Variants in PREX2 observed in about 807,000 individuals in gnomAD.
PREX2 encodes phosphatidylinositol-3,4,5-trisphosphate dependent Rac exchange factor 2, also known as phosphatidylinositol 3,4,5-trisphosphate-dependent Rac exchanger 2 protein.
PREX2 carries 107 observed loss-of-function variants against 203.2 expected under a neutral mutation model. The observed-to-expected ratio is 0.53, with a 90% CI of 0.45 to 0.62. PREX2 has a LOEUF of 0.62. PREX2 is among the 20% of genes least tolerant of loss of function. PREX2 has a pLI of 0.00. For synonymous variants in PREX2, 672 were observed against 663.6 expected, an observed-to-expected ratio of 1.01 and a Z score of -0.19; for missense variants, 1,777 against 1,955.9, an observed-to-expected ratio of 0.91 and a Z score of 1.72.
rs1810494326 is a variant in PREX2 at position 68,109,545 on chromosome 8, A to C, written c.3068A>C (p.Gln1023Pro). 6.2e-7 allele frequency: 1 copy of C among 1,613,982 alleles called. No homozygotes were observed. Among genetic ancestry groups the C allele is most frequent in the Non-Finnish European group, 8.5e-7 (1 of 1,179,954 alleles). ...CTAAAAGAAGAAGACTTAGAAACCC[A>C]AGACATCTATCAGAAACTGCTGGGC... ...YLLKEEDLET[Q>P]DIYQKLLGKL... The change falls in exon 25 of 40, where the codon CAA becomes CCA. Residue 1023 changes from glutamine (Q) to proline (P), a missense_variant. Physicochemically the swap from Gln to Pro is moderately conservative, Grantham distance 76. Coordinates refer to ENST00000288368, the MANE Select transcript of PREX2 (RefSeq NM_024870.4).
chr8:68,100,148 G>T (rs531199676), intron 23 of PREX2: 26 of 518,126 alleles, frequency 5.0e-5, no homozygotes, highest in African/African-American at 5.0e-4. Context: ...ACCTAATTCT[G>T]AAGTCAAAAT....
intron 1 of PREX2, among the ~76,000 whole-genome samples, chr8:67,997,750 T>C (rs1231310215): frequency 2.0e-5 from 3 of 152,150 alleles, no homozygotes; most frequent in African/African-American, 7.2e-5. Flanking sequence ...TTTTAAGATA[T>C]CTTAATTGAT....
At chr8:67,970,254 A>G (rs990874123) in intron 1 of PREX2, among the ~76,000 whole-genome samples, 12 of 152,176 alleles carry the variant, frequency 7.9e-5, no homozygotes, top group Non-Finnish European at 1.6e-4. Flanking sequence ...TCTAAATTTC[A>G]TGTAAAGCAG....
rs1295839870 is a variant in PREX2, at chr8:68,064,545, T to G, written c.1339+3766T>G. Among the ~76,000 whole-genome samples, 5 of 151,782 alleles carry G rather than the reference T, an allele frequency of 3.3e-5. No homozygotes were observed. In the South Asian group the frequency reaches 8.4e-4, roughly 25 times the overall value. On this transcript the variant is annotated intron_variant, in intron 11 of 39. Transcript: ENST00000288368. The stretch of plus-strand genomic sequence containing the variant: ...CACCATACCCAGCTAATTTGTTTTT[T>G]TTTTTTTTAATTTGTAGAAATGAGG...
rs187548204 is a variant in PREX2 at position 68,042,095 on chromosome 8, A to G, written c.840-2392A>G. ...CTGTTCCCTTCACTTAGAATACTTC[A>G]CTCCTTTATGAACTTCACCTCAGCA... is the stretch of plus-strand genomic sequence containing the variant. On this transcript the variant is annotated intron_variant, in intron 7 of 39. Coordinates refer to ENST00000288368, the MANE Select transcript of PREX2 (RefSeq NM_024870.4). 2.4e-3 allele frequency among the ~76,000 whole-genome samples: 364 copies of G among 152,016 alleles called. 1 individual carries two copies. The highest frequency in any genetic ancestry group is 3.4e-3 in the Non-Finnish European group (228 of 67,914).
rs565972465 is a variant in PREX2, at chr8:68,217,599, C to A, written c.4605-17C>A. The A allele has an allele frequency of 9.3e-6, 15 of 1,609,470 alleles. No individual in the cohort carries two copies. The highest frequency in any genetic ancestry group is 1.2e-5 in the Non-Finnish European group (14 of 1,175,894). ...CAGGAACCATGGGGTCTGACTTGCC[C>A]TTGCCTTGGCCCACAGGTGCACCCT... is the stretch of plus-strand genomic sequence containing the variant. On this transcript the variant is annotated splice_polypyrimidine_tract_variant and intron_variant, in intron 37 of 39. Coordinates refer to ENST00000288368, the MANE Select transcript of PREX2 (RefSeq NM_024870.4).
chr8:68,030,469 G>A (rs1403425249), intron 5 of PREX2, 28 bp from the exon 6 acceptor site: 2 of 1,607,170 alleles, frequency 1.2e-6, no homozygotes, highest in East Asian at 4.5e-5. Context: ...AAGATCAAAG[G>A]GCGATTTGTT....
rs577468323 is a variant in PREX2 at position 68,081,807 on chromosome 8, G to T, written c.1878+969G>T. ...CCTTCTGGGTTCAAGTGATTCTCCT[G>T]CCTCAGCCTCCAGAGTAGCTGGGAT... On this transcript the variant is annotated intron_variant, in intron 17 of 39. Coordinates refer to ENST00000288368, the MANE Select transcript of PREX2 (RefSeq NM_024870.4). Among the ~76,000 whole-genome samples the T allele has an allele frequency of 1.7e-3, 262 of 151,508 alleles. 2 individuals are homozygous for T. The highest frequency in any genetic ancestry group is 2.7e-3 in the Non-Finnish European group (183 of 67,954).
intron 30 of PREX2, among the ~76,000 whole-genome samples, chr8:68,126,438 T>A (rs1338210987): frequency 6.6e-6 from 1 of 152,092 alleles, no homozygotes; most frequent in Non-Finnish European, 1.5e-5. Flanking sequence ...ATTTAGCAAT[T>A]TTCTAAAGCC....
chr8:67,985,515 T>C (rs1475409235), intron 1 of PREX2, among the ~76,000 whole-genome samples: 1 of 152,154 alleles, frequency 6.6e-6, no homozygotes, highest in East Asian at 1.9e-4. Context: ...TTCTCTTTGG[T>C]CTAAATGTCA....
At chr8:68,121,727 T>C (rs1810778469) in intron 30 of PREX2, among the ~76,000 whole-genome samples, 1 of 152,096 alleles carries the variant, frequency 6.6e-6, no homozygotes, top group Admixed American at 6.6e-5. Flanking sequence ...AGAAATTTTC[T>C]TCCCAGTGAT....
At chr8:68,144,901 G>T (rs1294244417) in intron 33 of PREX2, among the ~76,000 whole-genome samples, 1 of 152,010 alleles carries the variant, frequency 6.6e-6, no homozygotes, top group East Asian at 1.9e-4. Context: ...TCCAACTGTT[G>T]TATCATTATC....
At chr8:67,997,645 C>T (rs1294681650) in intron 1 of PREX2, among the ~76,000 whole-genome samples, 1 of 151,904 alleles carries the variant, frequency 6.6e-6, no homozygotes, top group Non-Finnish European at 1.5e-5. Flanking sequence ...TTAGATTTTT[C>T]AAAAGAATGT....
At chr8:68,066,303 GT>G (rs887647216) in intron 11 of PREX2, among the ~76,000 whole-genome samples, 4 of 152,032 alleles carry the variant, frequency 2.6e-5, no homozygotes, top group African/African-American at 9.7e-5. Flanking sequence ...CTTTCATACT[GT>G]TTTCCAAAAT....
At chr8:67,979,022 A>G (rs1210541843) in intron 1 of PREX2, among the ~76,000 whole-genome samples, 1 of 152,214 alleles carries the variant, frequency 6.6e-6, no homozygotes, top group Non-Finnish European at 1.5e-5. Context: ...TTCTTGTTGA[A>G]TTAATAACAG....
chr8:68,087,972 AC>A (rs67191979), intron 19 of PREX2, among the ~76,000 whole-genome samples, 163 bp downstream of exon 19: 3,754 of 152,320 alleles, frequency 0.025, 73 homozygotes, highest in Non-Finnish European at 0.038. Flanking sequence ...CATTAAAAAA[AC>A]GAAAAAATTC....
chr8:68,142,241 G>C (rs1811244501), intron 33 of PREX2, among the ~76,000 whole-genome samples: 1 of 152,090 alleles, frequency 6.6e-6, no homozygotes, highest in African/African-American at 2.4e-5. Context: ...GTATCATACA[G>C]AGTATTTTTA....
chr8:68,023,213 A>G (rs1030749900), intron 4 of PREX2, among the ~76,000 whole-genome samples: 7 of 152,140 alleles, frequency 4.6e-5, no homozygotes, highest in African/African-American at 1.2e-4. Context: ...CTGCCAAACT[A>G]TTTGTCACTG....
chr8:68,178,210 C>T (rs760420151), intron 35 of PREX2, among the ~76,000 whole-genome samples: 7 of 152,114 alleles, frequency 4.6e-5, no homozygotes, highest in Non-Finnish European at 8.8e-5. Flanking sequence ...TACTGTCTTC[C>T]GCAATGGTTG....
Sources: gnomAD v4.1 joint callset for allele counts (sites outside exome capture counted in the v4.1 genomes callset) on GRCh38, gnomAD v4.1.1 for gene constraint, MANE v1.5 for transcripts, NCBI Gene and HGNC (gene_info 2026-07-23, HGNC 2026-07-21) for gene names.